The following MAST4 variants were observed in gnomAD, a reference collection of about 807,000 sequenced individuals.
MAST4 encodes the protein microtubule-associated serine/threonine-protein kinase 4.
Under a neutral mutation model 162.7 loss-of-function variants are expected in MAST4, and 89 were observed. The observed-to-expected ratio is 0.55, with a 90% CI of 0.46 to 0.65. The LOEUF is 0.65. Among genes scored for constraint, MAST4 ranks in the 30% least tolerant of loss-of-function variants. The pLI is 0.00. For synonymous variants in MAST4, 1,479 were observed against 1,361.1 expected (o/e 1.09, Z -1.91); for missense variants, 3,153 against 3,374.0 (o/e 0.93, Z 1.62).
At position 66,907,587 on chromosome 5, in the gene MAST4, C is replaced by CAT. The variant is rs1285513539; in HGVS notation, c.674+7605_674+7606insAT. ...ATAATGAAATGGGCATAGGTTGATG[C>CAT]GTGTGTGTGTGTGTGTGTGTGTGTG... On this transcript the variant is annotated intron_variant, in intron 4 of 28. Coordinates refer to ENST00000403625, the MANE Select transcript of MAST4 (RefSeq NM_001164664.2). Among the ~76,000 whole-genome samples the CAT allele has an allele frequency of 3.9e-3, 559 of 144,232 alleles. 10 individuals are homozygous for CAT. The highest frequency in any genetic ancestry group is 8.3e-3 in the African/African-American group (323 of 38,758). 94.6% of individuals were successfully genotyped at this position (144,232 alleles called of 152,430 possible). A position where few individuals can be genotyped will look rare whatever the true frequency, so the allele number is the denominator to read the frequency against.
chr5:66,878,236 T>C (rs1024408757), intron 3 of MAST4, among the ~76,000 whole-genome samples: 1 of 152,258 alleles, frequency 6.6e-6, no homozygotes, highest in African/African-American at 2.4e-5. Context: ...GACAACTGTC[T>C]TAGATGTTCA....
At chr5:66,849,461 T>G (rs895385152) in intron 3 of MAST4, among the ~76,000 whole-genome samples, 2 of 152,138 alleles carry the variant, frequency 1.3e-5, no homozygotes, top group African/African-American at 4.8e-5. Context: ...CCTCTTCTGC[T>G]TTCCTCCCCC....
intron 3 of MAST4, among the ~76,000 whole-genome samples, chr5:66,799,140 C>T (rs948935766): frequency 4.6e-5 from 7 of 152,122 alleles, no homozygotes; most frequent in African/African-American, 4.8e-5. Context: ...TGGTAGTAAA[C>T]CACCTGCCAT....
At chr5:66,681,945 G>A (rs540330898) in intron 1 of MAST4, among the ~76,000 whole-genome samples, 11 of 152,320 alleles carry the variant, frequency 7.2e-5, no homozygotes, top group African/African-American at 2.6e-4. Context: ...GACCATGCCT[G>A]GAGCATCAGT....
chr5:67,090,073 A>T, intron 5 of MAST4, 89 bp from the exon 6 acceptor site: 2 of 952,188 alleles, frequency 2.1e-6, no homozygotes, highest in Non-Finnish European at 1.6e-6. Context: ...ACAGAAATGT[A>T]AATAAACTTA....
In MAST4 at chr5:66,878,624, C is replaced by T. The variant is rs1198590872; in HGVS notation, c.643-21327C>T. On this transcript the variant is annotated intron_variant, in intron 3 of 28. Transcript: ENST00000403625. Reference sequence around the variant, plus strand: ...CTGTGCTGGGCAATGCAAGATTTCTCAGGGTTCAAGAGGAAGGCAACCACT... The same window carrying T: ...CTGTGCTGGGCAATGCAAGATTTCTTAGGGTTCAAGAGGAAGGCAACCACT... Among the ~76,000 whole-genome samples the T allele has an allele frequency of 3.3e-5, 5 of 152,226 alleles. No homozygotes were observed. The East Asian group carries it at 7.7e-4, about 23-fold the overall frequency.
chr5:66,747,027 A>G (rs1302560367), intron 1 of MAST4, among the ~76,000 whole-genome samples: 2 of 151,752 alleles, frequency 1.3e-5, no homozygotes, highest in African/African-American at 2.4e-5. Flanking sequence ...TTAAATGCCT[A>G]CAGTGTCGTG....
chr5:67,078,922 A>ATATAT (rs1762210151), intron 5 of MAST4, among the ~76,000 whole-genome samples: 1 of 74,258 alleles, frequency 1.3e-5, no homozygotes, highest in African/African-American at 6.3e-5. Context: ...ATATATATAT[A>ATATAT]TATATATATA....
rs140279983 is a variant in MAST4, at chr5:66,970,810, G to T, written c.674+70828G>T. On this transcript the variant is annotated intron_variant, in intron 4 of 28. Coordinates refer to ENST00000403625, the MANE Select transcript of MAST4 (RefSeq NM_001164664.2). ...TTTTCACCCTGTGGCTGGGAGGCAG[G>T]TACTGTCTTCATTTTACAGATGTTA... Among the ~76,000 whole-genome samples, 1,415 of 152,286 alleles carry T rather than the reference G, an allele frequency of 9.3e-3. 17 individuals carry two copies. Among genetic ancestry groups the T allele is most frequent in the Middle Eastern group, 0.02 (6 of 294 alleles).
intron 1 of MAST4, among the ~76,000 whole-genome samples, chr5:66,714,345 G>C (rs758927788): frequency 6.6e-6 from 1 of 152,204 alleles, no homozygotes; most frequent in Admixed American, 6.5e-5. Context: ...CATCGAAACT[G>C]TCCATTAGGT....
At chr5:67,029,609 T>C (rs1039109173) in intron 4 of MAST4, among the ~76,000 whole-genome samples, 1 of 152,148 alleles carries the variant, frequency 6.6e-6, no homozygotes, top group African/African-American at 2.4e-5. Flanking sequence ...TGCAAAATTC[T>C]ATGGCAAGGT....
At chr5:66,966,020 T>G (rs923156790) in intron 4 of MAST4, among the ~76,000 whole-genome samples, 5 of 152,192 alleles carry the variant, frequency 3.3e-5, no homozygotes, top group African/African-American at 1.2e-4. Flanking sequence ...GCAGAGTTCT[T>G]TATAGTTGGC....
At chr5:67,069,140 G>C (rs1760592715) in intron 5 of MAST4, among the ~76,000 whole-genome samples, 2 of 151,730 alleles carry the variant, frequency 1.3e-5, no homozygotes. Context: ...CATGGACTCT[G>C]CTCATCTTTT....
intron 3 of MAST4, among the ~76,000 whole-genome samples, chr5:66,817,904 A>T (rs1181813975): frequency 6.6e-6 from 1 of 152,222 alleles, no homozygotes; most frequent in African/African-American, 2.4e-5. Flanking sequence ...CCCCTATTAA[A>T]TTCTTATATA....
chr5:66,609,632 C>G (rs890037219), intron 1 of MAST4, among the ~76,000 whole-genome samples: 2 of 151,568 alleles, frequency 1.3e-5, no homozygotes, highest in African/African-American at 4.8e-5. Context: ...AGTGATCCAC[C>G]CACCCTAGCC....
In MAST4 at chr5:66,812,337, T is replaced by C. The variant is rs998420892; in HGVS notation, c.642+23543T>C. On this transcript the variant is annotated intron_variant, in intron 3 of 28. Transcript: ENST00000403625. ...TTTTATGAACAAAAAGCCTTTGTAT[T>C]TCTTGAGTAGAAGACCAAAATAACA... Among the ~76,000 whole-genome samples, 4 of 152,338 alleles carry C rather than the reference T, an allele frequency of 2.6e-5. No homozygotes were observed. In the South Asian group the frequency reaches 6.2e-4, roughly 24 times the overall value.
intron 1 of MAST4, among the ~76,000 whole-genome samples, chr5:66,660,459 C>T (rs1746833805): frequency 6.6e-6 from 1 of 152,186 alleles, no homozygotes; most frequent in African/African-American, 2.4e-5. Context: ...GGGTATTTAG[C>T]CTCTCTATTC....
At chr5:66,605,226 T>C (rs1404626830) in intron 1 of MAST4, among the ~76,000 whole-genome samples, 1 of 152,128 alleles carries the variant, frequency 6.6e-6, no homozygotes, top group East Asian at 1.9e-4. Context: ...CTGAGGATAC[T>C]TAGATGCAGC....
chr5:66,602,654 G>T (rs1742631421), intron 1 of MAST4, among the ~76,000 whole-genome samples: 1 of 152,134 alleles, frequency 6.6e-6, no homozygotes, highest in South Asian at 2.1e-4. Flanking sequence ...AAAAAGCTGA[G>T]TGGGGGCTAG....
Sources: gnomAD v4.1 joint callset for allele counts (sites outside exome capture counted in the v4.1 genomes callset) on GRCh38, gnomAD v4.1.1 for gene constraint, MANE v1.5 for transcripts, NCBI Gene and HGNC (gene_info 2026-07-23, HGNC 2026-07-21) for gene names.